GPR55: variants seen among roughly 807,000 people sequenced by gnomAD.
The protein encoded by GPR55 is G-protein coupled receptor 55.
GPR55 carries 6 observed loss-of-function variants against 7.9 expected under a neutral mutation model. The observed-to-expected ratio is 0.76, with a 90% CI of 0.41 to 1.49. The LOEUF (loss-of-function observed/expected upper bound fraction) is 1.49. GPR55 is among the 40% of genes most tolerant of loss of function. GPR55 has a pLI of 0.01. For synonymous variants in GPR55, 183 were observed against 166.8 expected (o/e 1.10, Z -0.75); for missense variants, 376 against 406.0 (o/e 0.93, Z 0.63).
intron 1 of GPR55, among the ~76,000 whole-genome samples, chr2:230,953,101 G>A (rs949454951): frequency 3.9e-5 from 6 of 152,172 alleles, no homozygotes; most frequent in Non-Finnish European, 5.9e-5. Context: ...GTGGCCAGAA[G>A]GAAGGAAGGA....
chr2:230,934,269 C>T (rs1691099619), intron 1 of GPR55, among the ~76,000 whole-genome samples: 1 of 152,194 alleles, frequency 6.6e-6, no homozygotes, highest in Non-Finnish European at 1.5e-5. Flanking sequence ...AGGTCTGCAT[C>T]AGGGCCAGCA....
At chr2:230,939,522 C>A (rs560802032) in intron 1 of GPR55, among the ~76,000 whole-genome samples, 51 of 152,280 alleles carry the variant, frequency 3.3e-4, no homozygotes, top group African/African-American at 1.2e-3. Flanking sequence ...CTGCCCAGCT[C>A]CCTGGGCTGC....
At chr2:230,911,551 G>A (rs1045482364) in intron 1 of GPR55, among the ~76,000 whole-genome samples, 8 of 152,180 alleles carry the variant, frequency 5.3e-5, no homozygotes, top group African/African-American at 1.9e-4. Context: ...TTAGTTCATT[G>A]GTTCAGGGAC....
At position 230,909,904 on chromosome 2, in the gene GPR55, T is replaced by C; in HGVS notation, c.*99A>G. The C allele has an allele frequency of 8.6e-7, 1 of 1,163,288 alleles. No homozygotes were observed. Among genetic ancestry groups the C allele is most frequent in the African/African-American group, 1.5e-5 (1 of 64,980 alleles). The allele number at this position is 1,163,288 out of a possible 1,614,324, so 72.1% of individuals were successfully genotyped here. On this transcript the variant is annotated 3_prime_UTR_variant, in exon 2 of 2. Transcript: ENST00000650999. ...TCAAAGGGAAGCACATCAGTGAAGA[T>C]GGTGCGGATCATCCCACCACATCAA...
At chr2:230,921,171 T>C (rs550651150) in intron 1 of GPR55, among the ~76,000 whole-genome samples, 4 of 152,234 alleles carry the variant, frequency 2.6e-5, no homozygotes, top group African/African-American at 9.6e-5. Flanking sequence ...AGCAAACAAG[T>C]ACATAATGGG....
intron 1 of GPR55, among the ~76,000 whole-genome samples, chr2:230,916,683 C>T (rs1197167646): frequency 1.3e-5 from 2 of 151,788 alleles, no homozygotes; most frequent in Non-Finnish European, 2.9e-5. Flanking sequence ...GGCTCTATTG[C>T]TAATATTTCT....
chr2:230,930,676 G>A (rs6742145), intron 1 of GPR55, among the ~76,000 whole-genome samples: 1 of 151,692 alleles, frequency 6.6e-6, no homozygotes, highest in Non-Finnish European at 1.5e-5. Flanking sequence ...TGTTTCCCAG[G>A]CTGGTCTCCA....
chr2:230,941,636 A>G (rs1472543415), intron 1 of GPR55, among the ~76,000 whole-genome samples: 1 of 152,036 alleles, frequency 6.6e-6, no homozygotes, highest in Non-Finnish European at 1.5e-5. Context: ...GGGACAAATG[A>G]GGTCCCAGTC....
In GPR55 at chr2:230,910,582, T is replaced by G. The variant is rs1992186; in HGVS notation, c.381A>C (p.Leu127=). 0.39 allele frequency: 629,239 copies of G among 1,613,446 alleles called. 132,439 individuals carry two copies. The highest frequency in any genetic ancestry group is 0.85 in the African/African-American group (63,630 of 74,968). The change falls in exon 2 of 2, where the codon CTA becomes CTC. Residue 127 remains leucine (L), a synonymous_variant. Transcript: ENST00000650999. The surrounding 1 kb of genome is among the most constrained non-coding windows in gnomAD (Gnocchi z 5.4). The stretch of plus-strand genomic sequence containing the variant: ...TGGGGGACCGGAGGTGGCTCACCAG[T>G]AGCGGGTAACGGATGGCCAAGAACC... The part of the protein sequence containing the change: ...MDRFLAIRYP[L]LVSHLRSPRK...
chr2:230,909,945 T>C lies in GPR55; in HGVS notation c.*58A>G, dbSNP rs1690545266. 1.3e-6 allele frequency: 2 copies of C among 1,524,720 alleles called. No individual in the cohort carries two copies. Among genetic ancestry groups the C allele is most frequent in the Non-Finnish European group, 1.8e-6 (2 of 1,120,996 alleles). 94.4% of individuals were successfully genotyped at this position (1,524,720 alleles called of 1,614,324 possible). A position where few individuals can be genotyped will look rare whatever the true frequency, so the allele number is the denominator to read the frequency against. On this transcript the variant is annotated 3_prime_UTR_variant, in exon 2 of 2. Transcript: ENST00000650999. ...ACCACATCAAAACCCTGGAACGCGA[T>C]ATCCGTTACCAGAATTCAGGGCCAG...
At chr2:230,927,099 T>C (rs1245019129), upstream of GPR55, among the ~76,000 whole-genome samples, 1 of 152,208 alleles carries the variant, frequency 6.6e-6, no homozygotes, top group Non-Finnish European at 1.5e-5. Context: ...CAAATACATA[T>C]GTAAACACAT....
chr2:230,939,787 G>A (rs1006738022), intron 1 of GPR55, among the ~76,000 whole-genome samples: 11 of 152,128 alleles, frequency 7.2e-5, no homozygotes, highest in African/African-American at 2.2e-4. Context: ...ACGGCCAGCC[G>A]GCATCCCCAG....
chr2:230,929,381 G>T (rs1259948186), upstream of GPR55, among the ~76,000 whole-genome samples: 1 of 152,150 alleles, frequency 6.6e-6, no homozygotes, highest in Non-Finnish European at 1.5e-5. Context: ...TGGGCCCATG[G>T]TGGCTGAGGT....
At chr2:230,927,199 G>A (rs570499691), upstream of GPR55, among the ~76,000 whole-genome samples, 20 of 152,122 alleles carry the variant, frequency 1.3e-4, no homozygotes, top group Admixed American at 1.1e-3. Context: ...TTCTGTGCCC[G>A]CCCGTGTACA....
In GPR55 at chr2:230,923,141, G is replaced by A. The variant is rs1690876746; in HGVS notation, c.-135+2027C>T. Among the ~76,000 whole-genome samples, 2 of 152,236 alleles carry A rather than the reference G, an allele frequency of 1.3e-5. No homozygotes were observed. Among genetic ancestry groups the A allele is most frequent in the African/African-American group, 4.8e-5 (2 of 41,442 alleles). The stretch of plus-strand genomic sequence containing the variant: ...TTGCGGCAGCCCTGTGGCTTTGCCT[G>A]CACAGCTGAGACCTCGAAACCCAGC... On this transcript the variant is annotated intron_variant, in intron 1 of 1. Transcript: ENST00000650999. This position sits in a 1 kb window ranked among gnomAD's most constrained non-coding sequence, Gnocchi z 4.1.
chr2:230,912,665 C>G (rs2125048133), intron 1 of GPR55, among the ~76,000 whole-genome samples: 1 of 152,332 alleles, frequency 6.6e-6, no homozygotes, highest in East Asian at 1.9e-4. Flanking sequence ...GTCTTGAACT[C>G]CTGACCTCAG....
chr2:230,917,625 A>G (rs1690746190), intron 1 of GPR55, among the ~76,000 whole-genome samples: 1 of 152,108 alleles, frequency 6.6e-6, no homozygotes, highest in Non-Finnish European at 1.5e-5. Flanking sequence ...CTCACAACAT[A>G]GTGAAACTTC....
intron 1 of GPR55, among the ~76,000 whole-genome samples, chr2:230,956,971 A>T (rs1228086551): frequency 2.0e-5 from 3 of 150,980 alleles, no homozygotes; most frequent in Non-Finnish European, 4.4e-5. Context: ...CTGAAACTGC[A>T]GAGAGTACCA....
chr2:230,945,027 G>A (rs1691288968), intron 1 of GPR55, among the ~76,000 whole-genome samples: 1 of 152,252 alleles, frequency 6.6e-6, no homozygotes, highest in Middle Eastern at 3.2e-3. Context: ...TCACTGCGGG[G>A]CTGGGAGCTG....
Sources: gnomAD v4.1 joint callset for allele counts (sites outside exome capture counted in the v4.1 genomes callset) on GRCh38, gnomAD v4.1.1 for gene constraint, Gnocchi (gnomAD v3.1) non-coding constraint, MANE v1.5 for transcripts, NCBI Gene and HGNC (gene_info 2026-07-23, HGNC 2026-07-21) for gene names.